Variants in USH2A observed in about 807,000 individuals in gnomAD.
USH2A encodes usherin.
A neutral mutation model predicts 538.9 loss-of-function variants in USH2A; 443 were observed. The ratio of observed to expected loss-of-function variants is 0.82; its 90% CI spans 0.76 to 0.89. The LOEUF (loss-of-function observed/expected upper bound fraction) is 0.89. Among genes scored for constraint, USH2A ranks in the 40% least tolerant of loss-of-function variants. The pLI is 0.00. For missense variants in USH2A, 6,633 were observed against 6,324.8 expected (o/e 1.05, Z -1.65); for synonymous variants, 2,413 against 2,273.5 (o/e 1.06, Z -1.75).
chr1:215,881,892 G>A (rs896314990), intron 41 of USH2A, among the ~76,000 whole-genome samples: 10 of 152,116 alleles, frequency 6.6e-5, no homozygotes, highest in Admixed American at 5.2e-4. Context: ...TTTAAGGAAC[G>A]ATTGACTTTC....
chr1:216,264,411 C>T (rs1435160236), intron 11 of USH2A, among the ~76,000 whole-genome samples: 1 of 151,998 alleles, frequency 6.6e-6, no homozygotes, highest in Non-Finnish European at 1.5e-5. Flanking sequence ...AGTTCTCCTG[C>T]CTCAGCCTCC....
chr1:216,419,802 T>C (rs912619999), intron 2 of USH2A, among the ~76,000 whole-genome samples: 6 of 152,098 alleles, frequency 3.9e-5, no homozygotes, highest in African/African-American at 1.4e-4. Flanking sequence ...GTTTAAAGCT[T>C]TCCTTAAAGG....
chr1:216,342,329 T>C (rs2038091955), intron 4 of USH2A, among the ~76,000 whole-genome samples: 1 of 152,026 alleles, frequency 6.6e-6, no homozygotes, highest in African/African-American at 2.4e-5. Context: ...TATTAAAAAG[T>C]CAAGAAACAA....
At chr1:215,965,923 TCACACACACACACACA>T (rs34484768) in intron 36 of USH2A, among the ~76,000 whole-genome samples, 2 of 142,574 alleles carry the variant, frequency 1.4e-5, no homozygotes, top group East Asian at 2.1e-4. Context: ...CTCTTCTCTG[TCACACACACACACACA>T]CACACACACA....
chr1:216,091,233 T>C (rs747730833), intron 22 of USH2A, among the ~76,000 whole-genome samples: 1 of 152,218 alleles, frequency 6.6e-6, no homozygotes, highest in Non-Finnish European at 1.5e-5. Flanking sequence ...ATTCAATAGA[T>C]GCTATTCAGA....
At chr1:215,685,146 AC>A (rs1292455881) in intron 61 of USH2A, among the ~76,000 whole-genome samples, 4 of 152,070 alleles carry the variant, frequency 2.6e-5, no homozygotes, top group Non-Finnish European at 5.9e-5. Flanking sequence ...CAATTGGATG[AC>A]TTTTATATGT....
intron 21 of USH2A, among the ~76,000 whole-genome samples, chr1:216,157,568 G>A (rs935196350): frequency 5.3e-5 from 8 of 152,046 alleles, no homozygotes; most frequent in Non-Finnish European, 7.4e-5. Flanking sequence ...ATCAATCTAG[G>A]TGCCCATCAA....
intron 21 of USH2A, among the ~76,000 whole-genome samples, chr1:216,123,711 C>CA (rs1420740083): frequency 6.6e-6 from 1 of 152,032 alleles, no homozygotes; most frequent in Non-Finnish European, 1.5e-5. Flanking sequence ...TTACACAGCC[C>CA]AATGCAAAAT....
chr1:216,046,903 A>G (rs981346819), intron 31 of USH2A, among the ~76,000 whole-genome samples: 13 of 152,204 alleles, frequency 8.5e-5, no homozygotes, highest in African/African-American at 2.4e-4. Flanking sequence ...AAGCAAATTA[A>G]GCAGATAGAG....
At chr1:216,269,872 G>C (rs700024) in intron 11 of USH2A, among the ~76,000 whole-genome samples, 119,893 of 152,034 alleles carry the variant, frequency 0.79, 49,695 homozygotes, top group East Asian at 0.95. Context: ...GAAGGTTACT[G>C]ACAACAGAAA....
chr1:216,277,871 A>G (rs2036700588), intron 11 of USH2A, among the ~76,000 whole-genome samples: 1 of 152,128 alleles, frequency 6.6e-6, no homozygotes, highest in Non-Finnish European at 1.5e-5. Context: ...TGGAAGGAGC[A>G]TGTGTCCCTG....
At chr1:215,989,020 C>A (rs537400907) in intron 35 of USH2A, among the ~76,000 whole-genome samples, 2 of 152,166 alleles carry the variant, frequency 1.3e-5, no homozygotes, top group Admixed American at 1.3e-4. Flanking sequence ...TCCTAAGCCA[C>A]GCTGGCCAAA....
intron 26 of USH2A, among the ~76,000 whole-genome samples, chr1:216,079,749 C>T (rs978093816): frequency 6.6e-6 from 1 of 151,994 alleles, no homozygotes; most frequent in African/African-American, 2.4e-5. Flanking sequence ...AACAAAATCT[C>T]GACTAGAATT....
intron 50 of USH2A, 52 bp downstream of exon 50, chr1:215,798,855 T>A: frequency 6.2e-7 from 1 of 1,606,994 alleles, no homozygotes; most frequent in Non-Finnish European, 8.5e-7. Flanking sequence ...TTTCTCACTC[T>A]CTCTGCTTCT....
chr1:216,129,193 G>A (rs140760278), intron 21 of USH2A, among the ~76,000 whole-genome samples: 2 of 152,104 alleles, frequency 1.3e-5, no homozygotes, highest in African/African-American at 4.8e-5. Context: ...TGGCTATTAT[G>A]ACTAGTGTTG....
At chr1:215,901,180 T>G (rs1665489818) in intron 38 of USH2A, 2 of 461,722 alleles carry the variant, frequency 4.3e-6, no homozygotes, top group East Asian at 8.7e-5. Context: ...CTTCTGTTTA[T>G]CTAATTGAAA....
intron 48 of USH2A, among the ~76,000 whole-genome samples, chr1:215,815,629 A>G (rs974729524): frequency 6.6e-6 from 1 of 152,024 alleles, no homozygotes; most frequent in Admixed American, 6.6e-5. Flanking sequence ...TAGCCTAAAC[A>G]TAGGTAAATA....
chr1:216,207,275 T>C lies in USH2A; in HGVS notation c.3314A>G (p.Tyr1105Cys). The C allele has an allele frequency of 6.2e-7, 1 of 1,613,982 alleles. No homozygotes were observed. The highest frequency in any genetic ancestry group is 8.5e-7 in the Non-Finnish European group (1 of 1,179,896). ...EIYTTEDQYP[Y>C]SIQYFLDTDL... ...TATTACCAAACCCTTAAACTCACTG[T>C]ATGGGTATTGATCCTCTGTTGTGTA... Residue 1105 changes from tyrosine to cysteine, a missense_variant and splice_region_variant, in exon 16 of 72, where the codon TAC becomes TGC. By Grantham distance (194) the Tyr-to-Cys change is radical (BLOSUM62 -2). Coordinates refer to ENST00000307340, the MANE Select transcript of USH2A (RefSeq NM_206933.4).
chr1:216,191,954 A>G (rs981341550), intron 19 of USH2A, among the ~76,000 whole-genome samples: 1 of 152,078 alleles, frequency 6.6e-6, no homozygotes, highest in Non-Finnish European at 1.5e-5. Flanking sequence ...TATAAATTAC[A>G]TTATTTTAAA....
Sources: allele counts gnomAD v4.1 joint callset (sites outside exome capture counted in the v4.1 genomes callset), GRCh38; gene constraint gnomAD v4.1.1; transcripts MANE v1.5; gene names NCBI Gene and HGNC (gene_info 2026-07-23, HGNC 2026-07-21).